Variants in PRELID2 observed in about 807,000 individuals in gnomAD.
The protein encoded by PRELID2 is PRELI domain containing 2.
PRELID2 carries 25 observed loss-of-function variants against 28.4 expected under a neutral mutation model. The ratio of observed to expected loss-of-function variants is 0.88; its 90% confidence interval spans 0.64 to 1.23. PRELID2 has a LOEUF of 1.23. Ranked by LOEUF, PRELID2 falls within the 50% of genes most tolerant of loss-of-function variation. The probability of loss-of-function intolerance (pLI) is 0.00; values close to 1 mark genes in which losing one functional copy is unlikely to be tolerated. For missense variants in PRELID2, 201 were observed against 214.4 expected, an observed-to-expected ratio of 0.94 and a Z score of 0.39; for synonymous variants, 76 against 71.6, an observed-to-expected ratio of 1.06 and a Z score of -0.31.
At chr5:145,446,068 G>A in the PRELID2 span, among the ~76,000 whole-genome samples, 1 of 152,024 alleles carries the variant, frequency 6.6e-6, no homozygotes, top group African/African-American at 2.4e-5. Flanking sequence ...CTCTGTCAAA[G>A]TGGGATGACT....
the PRELID2 span, among the ~76,000 whole-genome samples, chr5:145,453,929 G>A: frequency 1.3e-5 from 2 of 152,042 alleles, no homozygotes; most frequent in Non-Finnish European, 2.9e-5. Context: ...AAACATACGT[G>A]TGCATATGTC....
chr5:145,232,967 ATG>A, the PRELID2 span, among the ~76,000 whole-genome samples: 1 of 131,078 alleles, frequency 7.6e-6, no homozygotes, highest in East Asian at 2.0e-4. Flanking sequence ...ATATGTATGT[ATG>A]TATATATATA....
intron 1 of PRELID2, among the ~76,000 whole-genome samples, chr5:145,634,404 C>T (rs1012876444): frequency 6.6e-6 from 1 of 152,210 alleles, no homozygotes; most frequent in East Asian, 1.9e-4. Context: ...CCAAACACCT[C>T]GCATTCAATG....
the PRELID2 span, among the ~76,000 whole-genome samples, chr5:145,407,079 C>G: frequency 6.6e-6 from 1 of 152,254 alleles, no homozygotes; most frequent in Middle Eastern, 3.4e-3. Flanking sequence ...TTTTCCTGAG[C>G]TGAAGCCAGG....
intron 1 of PRELID2, among the ~76,000 whole-genome samples, chr5:145,683,704 A>G (rs1297621920): frequency 6.6e-6 from 1 of 150,538 alleles, no homozygotes; most frequent in Non-Finnish European, 1.5e-5. Context: ...CTCCAAATAC[A>G]GATACTCTCA....
chr5:145,286,705 T>G, the PRELID2 span, among the ~76,000 whole-genome samples: 2 of 109,038 alleles, frequency 1.8e-5, no homozygotes, highest in African/African-American at 3.6e-5. Context: ...AGTTTTTGTT[T>G]TTTTTTGTTT....
At chr5:145,459,167 G>T in the PRELID2 span, among the ~76,000 whole-genome samples, 1 of 152,152 alleles carries the variant, frequency 6.6e-6, no homozygotes, top group South Asian at 2.1e-4. Context: ...TGCTTTGAAT[G>T]AATATCTAAA....
chr5:145,766,659 C>G (rs1254348795), intron 5 of PRELID2, among the ~76,000 whole-genome samples: 1 of 152,088 alleles, frequency 6.6e-6, no homozygotes, highest in Admixed American at 6.6e-5. Flanking sequence ...TTTGCTAAAC[C>G]AAAGCAGCAA....
chr5:145,442,186 C>T, the PRELID2 span, among the ~76,000 whole-genome samples: 7 of 152,028 alleles, frequency 4.6e-5, no homozygotes, highest in Non-Finnish European at 8.8e-5. Context: ...CAATCCTGAA[C>T]TTTCAGGATC....
intron 1 of PRELID2, among the ~76,000 whole-genome samples, chr5:145,657,636 G>A (rs904551376): frequency 6.6e-6 from 1 of 152,114 alleles, no homozygotes; most frequent in Non-Finnish European, 1.5e-5. Context: ...ACTGAGCCAA[G>A]ATCGCACAAC....
chr5:145,509,960 T>C (rs1227501203), intron 1 of PRELID2, among the ~76,000 whole-genome samples: 1 of 152,178 alleles, frequency 6.6e-6, no homozygotes, highest in African/African-American at 2.4e-5. Flanking sequence ...GCTCTCGTTG[T>C]TAAGTAATTA....
In PRELID2 at chr5:145,641,295, G is replaced by GA. The variant is rs1046301506; in HGVS notation, n.70+123635dup. The stretch of plus-strand genomic sequence containing the variant: ...ATCCAAAACTACTATAAATCAATCA[G>GA]AAAAAAAAAGAGAGAAATAGGTAAA... On this transcript the variant is annotated intron_variant and non_coding_transcript_variant, in intron 1 of 2. Coordinates refer to the PRELID2 transcript ENST00000510259. Among the ~76,000 whole-genome samples, 197 of 149,086 alleles carry GA rather than the reference G, an allele frequency of 1.3e-3. 2 individuals carry two copies. Among genetic ancestry groups the GA allele is most frequent in the African/African-American group, 6.4e-4 (26 of 40,666 alleles).
intron 1 of PRELID2, among the ~76,000 whole-genome samples, chr5:145,682,076 C>T (rs1754947549): frequency 6.6e-6 from 1 of 150,780 alleles, no homozygotes; most frequent in Non-Finnish European, 1.5e-5. Flanking sequence ...AAAAGACCAA[C>T]AAAGAATTGA....
rs913872114 is a variant in PRELID2, at chr5:145,627,320, A to G, written n.70+137611T>C. ...AATGGGTGGTAAACAATGGGTATAC[A>G]TACCTATACAGAGTGGAATAATGGA... On this transcript the variant is annotated intron_variant and non_coding_transcript_variant, in intron 1 of 2. Transcript: ENST00000510259. Among the ~76,000 whole-genome samples the G allele has an allele frequency of 1.8e-4, 28 of 151,952 alleles. 1 individual carries two copies. Among genetic ancestry groups the G allele is most frequent in the Non-Finnish European group, 2.4e-4 (16 of 68,010 alleles).
the PRELID2 span, among the ~76,000 whole-genome samples, chr5:145,289,568 A>G: frequency 2.6e-5 from 4 of 152,182 alleles, no homozygotes; most frequent in Admixed American, 2.0e-4. Context: ...ATTTGCATGC[A>G]GACATCTGTG....
At chr5:145,675,590 A>G (rs1754798087) in intron 1 of PRELID2, among the ~76,000 whole-genome samples, 1 of 152,236 alleles carries the variant, frequency 6.6e-6, no homozygotes, top group Non-Finnish European at 1.5e-5. Context: ...ACAATTTATT[A>G]CAGTAAAAGT....
chr5:145,301,460 C>T, the PRELID2 span, among the ~76,000 whole-genome samples: 1 of 151,934 alleles, frequency 6.6e-6, no homozygotes, highest in South Asian at 2.1e-4. Flanking sequence ...TTTGACTTGC[C>T]TATTCATTTT....
chr5:145,792,280 A>G (rs1752447646), intron 5 of PRELID2, among the ~76,000 whole-genome samples: 1 of 152,160 alleles, frequency 6.6e-6, no homozygotes, highest in Non-Finnish European at 1.5e-5. Context: ...CTACTTTGCC[A>G]CTTGGGACCT....
chr5:145,502,629 A>T (rs1362463147), intron 1 of PRELID2, among the ~76,000 whole-genome samples: 1 of 152,100 alleles, frequency 6.6e-6, no homozygotes, highest in Non-Finnish European at 1.5e-5. Context: ...GAATGTTGAG[A>T]TCTTTGAGGG....
Sources: allele counts gnomAD v4.1 joint callset (sites outside exome capture counted in the v4.1 genomes callset), GRCh38; gene constraint gnomAD v4.1.1; transcripts MANE v1.5; gene names NCBI Gene and HGNC (gene_info 2026-07-23, HGNC 2026-07-21).